Variants in FRMPD4 observed in about 807,000 individuals in gnomAD.
The protein encoded by FRMPD4 is FERM and PDZ domain containing 4.
FRMPD4 carries 22 observed loss-of-function variants against 94.1 expected under a neutral mutation model. The observed-to-expected ratio is 0.23, with a 90% CI of 0.17 to 0.33. The LOEUF is 0.33. Among genes scored for constraint, FRMPD4 ranks in the 10% least tolerant of loss-of-function variants. The probability of loss-of-function intolerance (pLI) is 1.00; values close to 1 mark genes in which losing one functional copy is unlikely to be tolerated. For missense variants in FRMPD4, 1,111 were observed against 1,339.9 expected (o/e 0.83, Z 2.67); for synonymous variants, 631 against 548.6 (o/e 1.15, Z -2.10).
intron 11 of FRMPD4, among the ~76,000 whole-genome samples, chrX:12,706,180 A>G (rs1979402223): frequency 9.0e-6 from 1 of 111,013 alleles, no homozygotes; most frequent in African/African-American, 3.3e-5. Context: ...ATAAAATTTC[A>G]TTTATAAATC....
intron 1 of FRMPD4, among the ~76,000 whole-genome samples, chrX:12,151,727 C>T (rs1170157845): frequency 9.0e-6 from 1 of 111,633 alleles, no homozygotes; most frequent in Non-Finnish European, 1.9e-5. Flanking sequence ...ATATTTTGTT[C>T]CCATATCATT....
At chrX:12,474,573 T>C (rs1159417195) in intron 1 of FRMPD4, among the ~76,000 whole-genome samples, 1 of 110,652 alleles carries the variant, frequency 9.0e-6, no homozygotes, top group African/African-American at 3.3e-5. Context: ...GTAAGACTAA[T>C]AAAGAAGAAA....
At chrX:11,832,948 C>G (rs1243635650) in intron 1 of FRMPD4, among the ~76,000 whole-genome samples, 1 of 112,127 alleles carries the variant, frequency 8.9e-6, no homozygotes, top group Non-Finnish European at 1.9e-5. Flanking sequence ...TAGTATCACA[C>G]AGAATAGGTT....
intron 1 of FRMPD4, among the ~76,000 whole-genome samples, chrX:12,164,384 T>G (rs1336481510): frequency 1.8e-5 from 2 of 112,358 alleles, no homozygotes; most frequent in Admixed American, 1.9e-4. Flanking sequence ...AACTCATCCT[T>G]TTTTATGGCT....
rs915972857 is a variant in FRMPD4, at chrX:12,287,485, A to G, written c.41+148473A>G. ...TAGGGGCAGCCACAGAGGACTTTGTATGCGTATAAAGGAGTTTGGCTATTA... is the reference window on the plus strand; with the variant it reads ...TAGGGGCAGCCACAGAGGACTTTGTGTGCGTATAAAGGAGTTTGGCTATTA... On this transcript the variant is annotated intron_variant, in intron 1 of 16. Transcript: ENST00000675598. Among the ~76,000 whole-genome samples the G allele has an allele frequency of 3.6e-5, 4 of 111,864 alleles. No individual in the cohort carries two copies. In the Admixed American group the frequency reaches 3.8e-4, roughly 11 times the overall value.
chrX:12,532,726 C>T (rs1229398317), intron 2 of FRMPD4, among the ~76,000 whole-genome samples: 1 of 111,016 alleles, frequency 9.0e-6, no homozygotes, highest in Non-Finnish European at 1.9e-5. Context: ...CCACAGGACA[C>T]ACCTAACAAC....
At chrX:11,948,489 T>A (rs967117052) in intron 3 of FRMPD4, among the ~76,000 whole-genome samples, 1 of 111,879 alleles carries the variant, frequency 8.9e-6, no homozygotes, top group South Asian at 3.8e-4. Flanking sequence ...ACATTTCTGT[T>A]GCTTGTAAGT....
chrX:12,025,187 C>T (rs1486308923), intron 3 of FRMPD4, among the ~76,000 whole-genome samples: 1 of 109,682 alleles, frequency 9.1e-6, no homozygotes, highest in Non-Finnish European at 1.9e-5. Flanking sequence ...GGTCTTGAAT[C>T]CTTTTCCCTT....
At chrX:12,267,038 T>G (rs886506666) in intron 1 of FRMPD4, among the ~76,000 whole-genome samples, 4 of 112,492 alleles carry the variant, frequency 3.6e-5, no homozygotes, top group Non-Finnish European at 7.5e-5. Context: ...CCAAAAATGC[T>G]GGCAACACAG....
intron 1 of FRMPD4, among the ~76,000 whole-genome samples, chrX:12,195,310 A>T (rs376003551): frequency 1.2e-5 from 1 of 86,588 alleles, no homozygotes; most frequent in African/African-American, 6.2e-5. Flanking sequence ...GATTTTTTAG[A>T]AGGACCCATG....
At chrX:12,372,696 C>T (rs1254129084) in intron 1 of FRMPD4, among the ~76,000 whole-genome samples, 4 of 112,762 alleles carry the variant, frequency 3.5e-5, no homozygotes, top group African/African-American at 1.3e-4. Flanking sequence ...TATACAGGTT[C>T]TGTACATTGG....
At chrX:12,716,000 C>CGGGGGGGGG in intron 14 of FRMPD4, 69 bp from the exon 15 acceptor site, 1 of 334,684 alleles carries the variant, frequency 3.0e-6, no homozygotes, top group Non-Finnish European at 5.4e-6. Context: ...AGAGACGAGC[C>CGGGGGGGGG]TCCCACCCCC....
chrX:11,896,276 C>T (rs889794019), intron 3 of FRMPD4, among the ~76,000 whole-genome samples: 3 of 112,367 alleles, frequency 2.7e-5, no homozygotes, highest in South Asian at 7.4e-4. Context: ...TTTCACCCCC[C>T]GCAGTGCCCA....
intron 3 of FRMPD4, among the ~76,000 whole-genome samples, chrX:11,925,658 G>A (rs1049326286): frequency 2.7e-5 from 3 of 111,776 alleles, no homozygotes; most frequent in Non-Finnish European, 5.6e-5. Context: ...GACTTTGGGG[G>A]TAAATAATGA....
At chrX:12,024,788 C>A (rs1457698607) in intron 3 of FRMPD4, among the ~76,000 whole-genome samples, 1 of 112,057 alleles carries the variant, frequency 8.9e-6, no homozygotes, top group African/African-American at 3.2e-5. Flanking sequence ...TAAGTAATAT[C>A]TGTTTTGCAG....
chrX:11,950,375 A>G (rs768829105), intron 3 of FRMPD4, among the ~76,000 whole-genome samples: 2 of 103,199 alleles, frequency 1.9e-5, no homozygotes, highest in African/African-American at 6.8e-5. Flanking sequence ...ACACAAGTAC[A>G]TTACCTCACT....
At chrX:12,548,353 G>A (rs1394608738) in intron 2 of FRMPD4, among the ~76,000 whole-genome samples, 3 of 112,380 alleles carry the variant, frequency 2.7e-5, no homozygotes, top group African/African-American at 9.7e-5. Flanking sequence ...TACAAATCCA[G>A]CCCTCTACAT....
At chrX:12,630,345 A>G (rs2059384244) in intron 4 of FRMPD4, among the ~76,000 whole-genome samples, 1 of 112,504 alleles carries the variant, frequency 8.9e-6, no homozygotes, top group African/African-American at 3.2e-5. Context: ...ACATAAACAA[A>G]TTATTATGGC....
intron 3 of FRMPD4, among the ~76,000 whole-genome samples, chrX:11,913,223 G>C (rs1332341783): frequency 8.9e-6 from 1 of 112,339 alleles, no homozygotes; most frequent in Admixed American, 9.4e-5. Flanking sequence ...GGTGAGTACA[G>C]TCAGGAATTT....
Sources: allele counts gnomAD v4.1 joint callset (sites outside exome capture counted in the v4.1 genomes callset), GRCh38; gene constraint gnomAD v4.1.1; transcripts MANE v1.5; gene names NCBI Gene and HGNC (gene_info 2026-07-23, HGNC 2026-07-21).